The following ZMYM2 variants were observed in gnomAD, a reference collection of about 807,000 sequenced individuals.
The protein encoded by ZMYM2 is zinc finger MYM-type containing 2, also known as zinc finger MYM-type protein 2.
ZMYM2 carries 56 observed loss-of-function variants against 162.8 expected under a neutral mutation model. The ratio of observed to expected loss-of-function variants is 0.34; its 90% CI spans 0.28 to 0.43. ZMYM2 has a LOEUF of 0.43. Ranked by LOEUF, ZMYM2 falls within the 20% of genes least tolerant of loss-of-function variation. The probability of loss-of-function intolerance (pLI) is 1.00; values close to 1 mark genes in which losing one functional copy is unlikely to be tolerated. For synonymous variants in ZMYM2, 510 were observed against 541.6 expected (o/e 0.94, Z 0.81); for missense variants, 1,275 against 1,621.8 (o/e 0.79, Z 3.67).
intron 17 of ZMYM2, 126 bp downstream of exon 17, chr13:20,061,350 A>T: frequency 2.4e-6 from 2 of 848,442 alleles, no homozygotes; most frequent in Non-Finnish European, 3.0e-6. Context: ...AAGCATTGTA[A>T]CAAAAATGTT....
At chr13:19,959,701 C>G (rs1321703385) in intron 1 of ZMYM2, among the ~76,000 whole-genome samples, 1 of 152,140 alleles carries the variant, frequency 6.6e-6, no homozygotes, top group African/African-American at 2.4e-5. Flanking sequence ...TTCCCGGGAG[C>G]AGGCTCGGTG....
the ZMYM2 span, among the ~76,000 whole-genome samples, chr13:19,939,553 C>T: frequency 1.3e-5 from 2 of 152,090 alleles, no homozygotes; most frequent in East Asian, 3.8e-4. Context: ...TGGTTGCTAA[C>T]AACTTTTCCA....
the ZMYM2 span, among the ~76,000 whole-genome samples, chr13:19,868,225 G>A: frequency 2.0e-5 from 3 of 152,092 alleles, no homozygotes; most frequent in Non-Finnish European, 4.4e-5. Flanking sequence ...TATATCAACA[G>A]TTGTTTTACA....
At chr13:19,863,921 CCAGG>C in the ZMYM2 span, 4 of 74,338 alleles carry the variant, frequency 5.4e-5, no homozygotes, top group Non-Finnish European at 1.6e-4. Context: ...ACCGGGTCCG[CCAGG>C]GTCAGGAGCC....
intron 15 of ZMYM2, 53 bp from the exon 16 acceptor site, chr13:20,059,394 C>T: frequency 3.8e-6 from 6 of 1,583,392 alleles, no homozygotes; most frequent in Non-Finnish European, 5.2e-6. Flanking sequence ...CATTGAGCAC[C>T]TGTATATAAG....
Position 20,031,368 on chromosome 13 carries a change from A to G in ZMYM2, c.1901A>G (p.Asp634Gly), listed in dbSNP as rs763275041. The change falls in exon 10 of 25, where the codon GAT (aspartate) becomes GGT (glycine). Residue 634 changes from aspartate to glycine, a missense_variant. Around this residue, in one of 10 missense-constraint regions of ZMYM2, gnomAD observed 276 missense variants for 311.8 expected, o/e 0.89. Transcript: ENST00000610343. ...SPNGQFVAPS[D>G]IQLKCNYCKN... is the part of the protein sequence containing the mutation. The stretch of plus-strand genomic sequence containing the variant: ...AATGGCCAGTTTGTAGCGCCAAGTG[A>G]TATTCAGTTGAAATGCAACTACTGC... 1 of 1,608,276 alleles carries G rather than the reference A, an allele frequency of 6.2e-7. No individual in the cohort carries two copies. Among genetic ancestry groups the G allele is most frequent in the Non-Finnish European group, 8.5e-7 (1 of 1,178,520 alleles).
intron 9 of ZMYM2, among the ~76,000 whole-genome samples, chr13:20,030,851 C>G (rs1313234529): frequency 6.6e-6 from 1 of 152,150 alleles, no homozygotes; most frequent in Non-Finnish European, 1.5e-5. Context: ...GCCTATTTCA[C>G]TGGTAGACTT....
At chr13:20,001,705 T>C (rs1950404292) in intron 3 of ZMYM2, among the ~76,000 whole-genome samples, 1 of 152,190 alleles carries the variant, frequency 6.6e-6, no homozygotes, top group Non-Finnish European at 1.5e-5. Context: ...GTAAAGATCA[T>C]TGTTATCTTA....
At position 19,995,805 on chromosome 13, in the gene ZMYM2, G is replaced by A. The variant is rs560192293; in HGVS notation, c.847+1886G>A. On this transcript the variant is annotated intron_variant, in intron 3 of 24. Coordinates refer to ENST00000610343, the MANE Select transcript of ZMYM2 (RefSeq NM_197968.4). ...AGAACTCTGTGCCAGCCTGGACAAC[G>A]TGGTGAAAAAATACAAAATACTGAA... Among the ~76,000 whole-genome samples the A allele has an allele frequency of 3.3e-5, 5 of 152,186 alleles. No homozygotes were observed. In the South Asian group the frequency reaches 1.0e-3, roughly 32 times the overall value.
chr13:20,073,482 C>T (rs1276641991), intron 21 of ZMYM2, among the ~76,000 whole-genome samples: 1 of 152,112 alleles, frequency 6.6e-6, no homozygotes, highest in Non-Finnish European at 1.5e-5. Context: ...TTTAATTTTT[C>T]TCTTGTATTG....
chr13:20,000,403 A>G (rs1227119944), intron 3 of ZMYM2, among the ~76,000 whole-genome samples: 1 of 152,238 alleles, frequency 6.6e-6, no homozygotes, highest in African/African-American at 2.4e-5. Context: ...GTAGGTGGCA[A>G]CATGAAACAA....
chr13:19,927,320 G>A, the ZMYM2 span, among the ~76,000 whole-genome samples: 1 of 152,106 alleles, frequency 6.6e-6, no homozygotes, highest in South Asian at 2.1e-4. Flanking sequence ...ACTAGAGGTA[G>A]CCATTATCTT....
intron 3 of ZMYM2, among the ~76,000 whole-genome samples, chr13:20,001,804 A>G (rs1163182886): frequency 6.6e-6 from 1 of 152,226 alleles, no homozygotes; most frequent in African/African-American, 2.4e-5. Flanking sequence ...CACCAGCAGA[A>G]AGATTACAGC....
intron 17 of ZMYM2, 74 bp from the exon 18 acceptor site, chr13:20,062,772 T>A: frequency 7.2e-7 from 1 of 1,390,454 alleles, no homozygotes; most frequent in African/African-American, 1.5e-5. Context: ...AATGACTTGC[T>A]TTTGCCAGAT....
At chr13:20,039,200 G>C (rs1247107272) in intron 12 of ZMYM2, among the ~76,000 whole-genome samples, 3 of 152,142 alleles carry the variant, frequency 2.0e-5, no homozygotes, top group Non-Finnish European at 4.4e-5. Flanking sequence ...CTAGATATAG[G>C]ATCATGTCAT....
At chr13:19,996,913 A>C (rs992406823) in intron 3 of ZMYM2, among the ~76,000 whole-genome samples, 2 of 152,116 alleles carry the variant, frequency 1.3e-5, no homozygotes, top group Admixed American at 6.5e-5. Flanking sequence ...CTGAGCATGA[A>C]GGTGTGGGGT....
At chr13:19,883,014 T>A in the ZMYM2 span, among the ~76,000 whole-genome samples, 1 of 152,182 alleles carries the variant, frequency 6.6e-6, no homozygotes, top group East Asian at 1.9e-4. Flanking sequence ...TATCCATTAA[T>A]GGACGAAAGG....
At chr13:20,063,802 TATATA>T (rs1417280589) in intron 18 of ZMYM2, among the ~76,000 whole-genome samples, 3 of 11,120 alleles carry the variant, frequency 2.7e-4, no homozygotes, top group African/African-American at 1.3e-4. Context: ...ATATAAAAAA[TATATA>T]ATATATATAA....
In ZMYM2 at chr13:19,993,362, C is replaced by T. The variant is rs768999701; in HGVS notation, c.290C>T (p.Ser97Phe). 1 of 1,613,608 alleles carries T rather than the reference C, an allele frequency of 6.2e-7. No individual in the cohort carries two copies. The highest frequency in any genetic ancestry group is 1.3e-5 in the African/African-American group (1 of 75,020). Residue 97 changes from serine (S) to phenylalanine (F), a missense_variant, in exon 3 of 25, where the codon TCC becomes TTC. This residue lies in a region of ZMYM2 where 295 missense variants were observed against 286.7 expected (regional missense o/e 1.03). Coordinates refer to ENST00000610343, the MANE Select transcript of ZMYM2 (RefSeq NM_197968.4). ...SKNEELQGNDSKITPSSKELA... is the reference protein window; with the variant it reads ...SKNEELQGNDFKITPSSKELA... The stretch of plus-strand genomic sequence containing the variant: ...AATGAAGAACTACAAGGAAATGATT[C>T]CAAAATTACTCCTTCCTCAAAAGAG...
Sources: gnomAD v4.1 joint callset for allele counts (sites outside exome capture counted in the v4.1 genomes callset) on GRCh38, gnomAD v4.1.1 for gene constraint, gnomAD v4.1.1 regional missense constraint, MANE v1.5 for transcripts, NCBI Gene and HGNC (gene_info 2026-07-23, HGNC 2026-07-21) for gene names.